Variants in MYO10 observed in about 807,000 individuals in gnomAD.
MYO10 encodes myosin X.
Under a neutral mutation model 257.3 loss-of-function variants are expected in MYO10, and 133 were observed. The ratio of observed to expected loss-of-function variants is 0.52; its 90% CI spans 0.45 to 0.60. MYO10 has a LOEUF of 0.60. Ranked by LOEUF, MYO10 falls within the 20% of genes least tolerant of loss-of-function variation. The probability of loss-of-function intolerance (pLI) is 0.00; values close to 1 mark genes in which losing one functional copy is unlikely to be tolerated. For missense variants in MYO10, 2,399 were observed against 2,635.7 expected, an observed-to-expected ratio of 0.91 and a Z score of 1.97; for synonymous variants, 1,104 against 1,028.6, an observed-to-expected ratio of 1.07 and a Z score of -1.40.
chr5:16,686,339 T>A (rs141096615), intron 28 of MYO10, among the ~76,000 whole-genome samples: 5 of 152,258 alleles, frequency 3.3e-5, no homozygotes, highest in African/African-American at 1.2e-4. Context: ...AATTCAAAAC[T>A]TTTTGAGCAC....
chr5:16,757,192 A>AG (rs759253929), intron 18 of MYO10, among the ~76,000 whole-genome samples: 4 of 145,466 alleles, frequency 2.7e-5, no homozygotes, highest in Admixed American at 1.4e-4. Context: ...CAGGAGGCTG[A>AG]GGGGGGAGAA....
intron 19 of MYO10, among the ~76,000 whole-genome samples, chr5:16,712,352 C>T (rs1268515929): frequency 2.0e-5 from 3 of 152,170 alleles, no homozygotes; most frequent in East Asian, 3.9e-4. Flanking sequence ...CAAACTGGCA[C>T]TGGGGCCAGG....
At position 16,899,901 on chromosome 5, in the gene MYO10, G is replaced by C. The variant is rs138969771; in HGVS notation, c.22-22194C>G. 2.8e-3 allele frequency among the ~76,000 whole-genome samples: 431 copies of C among 151,392 alleles called. 5 individuals are homozygous for C. Among genetic ancestry groups the C allele is most frequent in the African/African-American group, 0.01 (415 of 41,234 alleles). On this transcript the variant is annotated intron_variant, in intron 1 of 40. Coordinates refer to ENST00000513610, the MANE Select transcript of MYO10 (RefSeq NM_012334.3). The stretch of plus-strand genomic sequence containing the variant: ...TAATCCCAGCTACTTGGGAGGCTGA[G>C]GCAGGAGAATTGCTTGAACCCAGGA...
chr5:16,820,452 T>C (rs1235390149), intron 2 of MYO10, among the ~76,000 whole-genome samples: 1 of 152,144 alleles, frequency 6.6e-6, no homozygotes, highest in African/African-American at 2.4e-5. Flanking sequence ...GTAGGGCCCA[T>C]GCCACCTGCC....
At chr5:16,672,959 G>A (rs1397920438) in intron 36 of MYO10, 134 bp from the exon 37 acceptor site, 5 of 981,812 alleles carry the variant, frequency 5.1e-6, no homozygotes, top group South Asian at 1.7e-5. Context: ...AATGTTACCC[G>A]TGTGGTCATC....
intron 9 of MYO10, among the ~76,000 whole-genome samples, chr5:16,769,873 T>G (rs1412880113): frequency 1.3e-5 from 2 of 152,214 alleles, no homozygotes; most frequent in African/African-American, 4.8e-5. Context: ...ATTTATTATT[T>G]TCTTTAGATG....
In MYO10 at chr5:16,701,822, TTCC is replaced by T; in HGVS notation, c.2570_2572del (p.Arg857del). The T allele has an allele frequency of 1.2e-6, 2 of 1,603,282 alleles. No homozygotes were observed. The highest frequency in any genetic ancestry group is 2.7e-5 in the African/African-American group (2 of 74,176). ...CTGCAAGGCTTCGAGTTCTTGCTGCTTCCTCGTTTCTTCTTCCTGGACAGAAGC... is the reference window on the plus strand; with the variant it reads ...CTGCAAGGCTTCGAGTTCTTGCTGCTTCGTTTCTTCTTCCTGGACAGAAGC... On this transcript the variant is annotated inframe_deletion, in exon 25 of 41. Coordinates refer to ENST00000513610, the MANE Select transcript of MYO10 (RefSeq NM_012334.3). The surrounding 1 kb of genome is among the most constrained non-coding windows in gnomAD (Gnocchi z 8.1).
intron 28 of MYO10, among the ~76,000 whole-genome samples, chr5:16,688,842 G>A (rs966878811): frequency 2.0e-5 from 3 of 152,030 alleles, no homozygotes; most frequent in Admixed American, 6.6e-5. Context: ...GGAATAGACA[G>A]GACAGACGTT....
chr5:16,701,279 G>A lies in MYO10; in HGVS notation c.3116C>T (p.Thr1039Met), dbSNP rs757493969. Residue 1039 changes from threonine to methionine, a missense_variant, in exon 25 of 41, where the codon ACG (threonine) becomes ATG (methionine). Physicochemically the swap from Thr to Met is moderately conservative, Grantham distance 81 (BLOSUM62 -1). Coordinates refer to ENST00000513610, the MANE Select transcript of MYO10 (RefSeq NM_012334.3). The surrounding 1 kb of genome is among the most constrained non-coding windows in gnomAD (Gnocchi z 8.1). ...CGCACTGGGGCTGGTGGGCACCACCGTGTCGTTCATGTATGGGTCCTCCTC... is the reference window on the plus strand; with the variant it reads ...CGCACTGGGGCTGGTGGGCACCACCATGTCGTTCATGTATGGGTCCTCCTC... ...SSEEDPYMNDTVVPTSPSADS... is the reference protein window; with the variant it reads ...SSEEDPYMNDMVVPTSPSADS... 30 of 1,613,640 alleles carry A rather than the reference G, an allele frequency of 1.9e-5. No individual in the cohort carries two copies. The highest frequency in any genetic ancestry group is 1.3e-4 in the East Asian group (6 of 44,866).
In MYO10 at chr5:16,673,697, G is replaced by A; in HGVS notation, c.5157C>T (p.His1719=). The change falls in exon 36 of 41, where the codon CAC becomes CAT. Residue 1719 remains histidine, a synonymous_variant. Transcript: ENST00000513610. ...GGSCKITINS[H]TTAGEVVEKL... ...CTCTCCTCACCTCCCCAGCGGTGGT[G>A]TGGGAGTTGATGGTGATCTTGCAGG... 6.2e-7 allele frequency: 1 copy of A among 1,613,692 alleles called. No homozygotes were observed. The highest frequency in any genetic ancestry group is 8.5e-7 in the Non-Finnish European group (1 of 1,179,758).
chr5:16,696,163 A>G (rs1301980335), intron 26 of MYO10, among the ~76,000 whole-genome samples: 1 of 152,094 alleles, frequency 6.6e-6, no homozygotes, highest in Non-Finnish European at 1.5e-5. Flanking sequence ...CTAATTGATT[A>G]ATTAGATTTA....
chr5:16,906,304 G>A (rs1247825020), intron 1 of MYO10, among the ~76,000 whole-genome samples: 1 of 152,124 alleles, frequency 6.6e-6, no homozygotes, highest in African/African-American at 2.4e-5. Flanking sequence ...CAGCTCGAGG[G>A]TCTAAAGCAC....
intron 2 of MYO10, among the ~76,000 whole-genome samples, chr5:16,824,464 T>C (rs2126711924): frequency 6.6e-6 from 1 of 152,278 alleles, no homozygotes; most frequent in Admixed American, 6.5e-5. Flanking sequence ...ATGACAATAG[T>C]ACGGTCTAGA....
In MYO10 at chr5:16,902,279, T is replaced by A. The variant is rs933925491; in HGVS notation, c.22-24572A>T. 5.1e-6 allele frequency: 4 copies of A among 787,044 alleles called. No homozygotes were observed. The Admixed American group carries it at 6.8e-5, about 13-fold the overall frequency. The allele number at this position is 787,044 out of a possible 1,614,324, so 48.8% of individuals were successfully genotyped here. A position where few individuals can be genotyped will look rare whatever the true frequency, so the allele number is the denominator to read the frequency against. On this transcript the variant is annotated intron_variant, in intron 1 of 40. Transcript: ENST00000513610. ...CAGAGAATAGTCTGTCTTCAGTCTTTAAGAACTCAGCTCCTTACATGGGCT... is the reference window on the plus strand; with the variant it reads ...CAGAGAATAGTCTGTCTTCAGTCTTAAAGAACTCAGCTCCTTACATGGGCT...
At chr5:16,821,042 T>C (rs1054383143) in intron 2 of MYO10, among the ~76,000 whole-genome samples, 3 of 147,614 alleles carry the variant, frequency 2.0e-5, no homozygotes, top group Admixed American at 6.8e-5. Flanking sequence ...AAGATGTTTA[T>C]ATACATATAT....
chr5:16,791,077 A>T (rs1237466721), intron 4 of MYO10, among the ~76,000 whole-genome samples: 1 of 152,170 alleles, frequency 6.6e-6, no homozygotes, highest in Non-Finnish European at 1.5e-5. Context: ...TGGCATTGCC[A>T]CCAAGTAGCA....
intron 19 of MYO10, among the ~76,000 whole-genome samples, chr5:16,733,964 G>A (rs943415005): frequency 5.3e-5 from 8 of 152,118 alleles, no homozygotes; most frequent in Non-Finnish European, 8.8e-5. Flanking sequence ...AGCAGGAAAG[G>A]GTCCAATGTG....
rs778337548 is a variant in MYO10 at position 16,742,136 on chromosome 5, ATT to A, written c.1929+12690_1929+12691del. On this transcript the variant is annotated intron_variant, in intron 19 of 40. Transcript: ENST00000513610. ...TCTTGATTTTAAAAGCCAATCAATA[ATT>A]TTTTTTTAAAAAAAGTCCCAGGACA... 1.8e-5 allele frequency: 18 copies of A among 984,708 alleles called. No homozygotes were observed. In the African/African-American group the frequency reaches 2.6e-4, roughly 14 times the overall value. The allele number at this position is 984,708 out of a possible 1,614,324, so 61.0% of individuals were successfully genotyped here.
At chr5:16,796,553 C>CCT (rs1741980209) in intron 3 of MYO10, among the ~76,000 whole-genome samples, 2 of 152,110 alleles carry the variant, frequency 1.3e-5, no homozygotes, top group African/African-American at 2.4e-5. Flanking sequence ...ATGCCTTAGG[C>CCT]CTCTCCATGT....
Sources: allele counts gnomAD v4.1 joint callset (sites outside exome capture counted in the v4.1 genomes callset), GRCh38; gene constraint gnomAD v4.1.1; non-coding constraint Gnocchi (gnomAD v3.1); transcripts MANE v1.5; gene names NCBI Gene and HGNC (gene_info 2026-07-23, HGNC 2026-07-21).